DLGAP1: variants seen among roughly 807,000 people sequenced by gnomAD.
DLGAP1 encodes the protein disks large-associated protein 1.
A neutral mutation model predicts 90.8 loss-of-function variants in DLGAP1; 11 were observed. The observed-to-expected ratio is 0.12, with a 90% CI of 0.08 to 0.20. DLGAP1 has a LOEUF of 0.20. DLGAP1 is among the 10% of genes least tolerant of loss of function. DLGAP1 has a pLI of 1.00. For missense variants in DLGAP1, 1,050 were observed against 1,333.8 expected (o/e 0.79, Z 3.31); for synonymous variants, 558 against 540.7 (o/e 1.03, Z -0.44).
chr18:3,639,980 T>G (rs937159097), intron 7 of DLGAP1, among the ~76,000 whole-genome samples: 18 of 151,690 alleles, frequency 1.2e-4, no homozygotes, highest in Non-Finnish European at 2.1e-4. Flanking sequence ...GGTCTCGATC[T>G]CCTGACCTCG....
intron 1 of DLGAP1, among the ~76,000 whole-genome samples, chr18:4,202,843 T>C (rs950492352): frequency 3.9e-5 from 6 of 152,186 alleles, no homozygotes; most frequent in African/African-American, 1.4e-4. Context: ...TCCTATATTA[T>C]TCCAAAATAA....
At chr18:3,948,374 T>TGA (rs2072917181) in intron 3 of DLGAP1, among the ~76,000 whole-genome samples, 1 of 151,968 alleles carries the variant, frequency 6.6e-6, no homozygotes, top group Admixed American at 6.6e-5. Flanking sequence ...CTTTTTCCAC[T>TGA]ATTGAAAATT....
At position 3,498,994 on chromosome 18, in the gene DLGAP1, A is replaced by G. The variant is rs1242016280; in HGVS notation, c.*191T>C. The G allele has an allele frequency of 8.9e-6, 5 of 564,476 alleles. No individual in the cohort carries two copies. The Admixed American group carries it at 1.3e-4, about 15-fold the overall frequency. 35.0% of individuals were successfully genotyped at this position (564,476 alleles called of 1,614,324 possible). A position where few individuals can be genotyped will look rare whatever the true frequency, so the allele number is the denominator to read the frequency against. ...GCTCGGTGAAGAAGGAGATGGGCAAACGGGTACGGGAAGTGGGGGGCTGAG... is the reference window on the plus strand; with the variant it reads ...GCTCGGTGAAGAAGGAGATGGGCAAGCGGGTACGGGAAGTGGGGGGCTGAG... On this transcript the variant is annotated 3_prime_UTR_variant, in exon 13 of 13. Transcript: ENST00000315677.
chr18:4,048,745 C>A (rs1173511705), intron 2 of DLGAP1, among the ~76,000 whole-genome samples: 1 of 152,134 alleles, frequency 6.6e-6, no homozygotes, highest in Non-Finnish European at 1.5e-5. Flanking sequence ...GTTGCCAAGG[C>A]AAAAGCAGTA....
intron 9 of DLGAP1, among the ~76,000 whole-genome samples, chr18:3,544,861 TC>T (rs1256038087): frequency 2.0e-5 from 3 of 151,744 alleles, no homozygotes; most frequent in Non-Finnish European, 2.9e-5. Flanking sequence ...TACCTCAACC[TC>T]CTGTGTAGCT....
intron 2 of DLGAP1, among the ~76,000 whole-genome samples, chr18:4,054,088 T>C (rs751759075): frequency 2.0e-5 from 3 of 152,170 alleles, no homozygotes; most frequent in Admixed American, 1.3e-4. Flanking sequence ...TCTGTGCCAT[T>C]TGCTGTCAGG....
chr18:4,027,180 A>T (rs1798408157), intron 2 of DLGAP1, among the ~76,000 whole-genome samples: 1 of 152,018 alleles, frequency 6.6e-6, no homozygotes, highest in Non-Finnish European at 1.5e-5. Context: ...GATTTGTGTG[A>T]TGTCTCTGAG....
At chr18:4,364,643 G>A (rs992981986) in intron 1 of DLGAP1, among the ~76,000 whole-genome samples, 12 of 151,992 alleles carry the variant, frequency 7.9e-5, no homozygotes, top group Non-Finnish European at 8.8e-5. Flanking sequence ...GGTTTTTCGT[G>A]TCTCAATCCC....
intron 2 of DLGAP1, among the ~76,000 whole-genome samples, chr18:4,032,989 T>C (rs1055125620): frequency 6.6e-6 from 1 of 152,150 alleles, no homozygotes; most frequent in Non-Finnish European, 1.5e-5. Flanking sequence ...TATTGTAAGC[T>C]ACAGAATATG....
rs1018916729 is a variant in DLGAP1 at position 3,779,360 on chromosome 18, G to T, written c.1172+34699C>A. On this transcript the variant is annotated intron_variant, in intron 5 of 12. Transcript: ENST00000315677. ...CAAAGTGCTGGGATTACAGGTGTGAGCCGCCATGTCTGGCCCAGCAATCAG... is the reference window on the plus strand; with the variant it reads ...CAAAGTGCTGGGATTACAGGTGTGATCCGCCATGTCTGGCCCAGCAATCAG... 1.1e-4 allele frequency among the ~76,000 whole-genome samples: 17 copies of T among 152,130 alleles called. 1 individual carries two copies. The highest frequency in any genetic ancestry group is 4.1e-4 in the African/African-American group (17 of 41,422).
At position 3,958,502 on chromosome 18, in the gene DLGAP1, C is replaced by T. The variant is rs1005605688; in HGVS notation, c.-73+46614G>A. Among the ~76,000 whole-genome samples the T allele has an allele frequency of 1.2e-3, 173 of 145,824 alleles. 2 individuals carry two copies. Among genetic ancestry groups the T allele is most frequent in the Non-Finnish European group, 2.2e-3 (147 of 66,944 alleles). ...AAAGAGGACAGTATGAACAAGAAGT[C>T]TTCTGGCTAAGTCAAGTACTCAAGA... On this transcript the variant is annotated intron_variant, in intron 3 of 12. Transcript: ENST00000315677.
At chr18:4,169,619 T>C (rs2076991113) in intron 1 of DLGAP1, among the ~76,000 whole-genome samples, 2 of 152,238 alleles carry the variant, frequency 1.3e-5, no homozygotes, top group African/African-American at 4.8e-5. Flanking sequence ...GTTTCATGTT[T>C]CCCAGTAGAA....
chr18:4,140,948 G>T (rs376560907), intron 2 of DLGAP1, among the ~76,000 whole-genome samples: 2 of 151,754 alleles, frequency 1.3e-5, no homozygotes, highest in African/African-American at 4.8e-5. Context: ...TTCTCTTGGG[G>T]CTTTTAGGAT....
In DLGAP1 at chr18:3,973,536, A is replaced by G. The variant is rs1007538029; in HGVS notation, c.-73+31580T>C. Among the ~76,000 whole-genome samples, 9 of 152,212 alleles carry G rather than the reference A, an allele frequency of 5.9e-5. No homozygotes were observed. The East Asian group carries it at 7.7e-4, about 13-fold the overall frequency. ...GGCTTTAGGAGCCAGGGACTTCCCT[A>G]TTTCACCTGTGGTTCCTGTGTGAGC... On this transcript the variant is annotated intron_variant, in intron 3 of 12. Coordinates refer to ENST00000315677, the MANE Select transcript of DLGAP1 (RefSeq NM_004746.4).
At chr18:4,217,153 G>A (rs2077974956) in intron 1 of DLGAP1, among the ~76,000 whole-genome samples, 2 of 151,986 alleles carry the variant, frequency 1.3e-5, no homozygotes, top group Non-Finnish European at 2.9e-5. Flanking sequence ...TTTTCTGGCT[G>A]CCTCCTTTCA....
chr18:3,926,773 G>A (rs2072401635), intron 3 of DLGAP1, among the ~76,000 whole-genome samples: 1 of 152,000 alleles, frequency 6.6e-6, no homozygotes, highest in African/African-American at 2.4e-5. Context: ...TAGTAGCAAT[G>A]AGCACCTATA....
intron 2 of DLGAP1, among the ~76,000 whole-genome samples, chr18:4,086,559 T>C (rs1184378200): frequency 2.0e-5 from 3 of 152,228 alleles, no homozygotes; most frequent in Admixed American, 2.0e-4. Flanking sequence ...GACTTTTTAA[T>C]GGGTTACTCA....
At chr18:4,452,978 AAT>A (rs1245385954) in intron 1 of DLGAP1, among the ~76,000 whole-genome samples, 2 of 152,234 alleles carry the variant, frequency 1.3e-5, no homozygotes, top group African/African-American at 4.8e-5. Flanking sequence ...CTTAGAATGA[AAT>A]ATAGAGAAAT....
intron 2 of DLGAP1, among the ~76,000 whole-genome samples, chr18:4,087,092 TGTATATATGTGCTATATATATATAC>T (rs2075696829): frequency 1.1e-5 from 1 of 93,736 alleles, no homozygotes; most frequent in Admixed American, 9.3e-5. Context: ...TATGTATATA[TGTATATATGTGCTATATATATATAC>T]ACACACACAT....
Sources: allele counts gnomAD v4.1 joint callset (sites outside exome capture counted in the v4.1 genomes callset), GRCh38; gene constraint gnomAD v4.1.1; transcripts MANE v1.5; gene names NCBI Gene and HGNC (gene_info 2026-07-23, HGNC 2026-07-21).